ZNF804B: variants seen among roughly 807,000 people sequenced by gnomAD.
ZNF804B encodes zinc finger protein 804B.
Under a neutral mutation model 101.4 loss-of-function variants are expected in ZNF804B, and 80 were observed. That is an observed-to-expected ratio of 0.79 (90% confidence interval 0.66 to 0.95). The LOEUF is 0.95. Among genes scored for constraint, ZNF804B ranks in the 40% least tolerant of loss-of-function variants. ZNF804B has a pLI of 0.00. For synonymous variants in ZNF804B, 622 were observed against 558.8 expected, an observed-to-expected ratio of 1.11 and a Z score of -1.59; for missense variants, 1,673 against 1,561.9, an observed-to-expected ratio of 1.07 and a Z score of -1.20.
In ZNF804B at chr7:89,336,038, A is replaced by G; in HGVS notation, c.3056A>G (p.Asp1019Gly). 2.5e-6 allele frequency: 4 copies of G among 1,614,004 alleles called. No homozygotes were observed. Among genetic ancestry groups the G allele is most frequent in the South Asian group, 1.1e-5 (1 of 91,088 alleles). Residue 1019 changes from aspartate to glycine, a missense_variant, in exon 4 of 4, where the codon GAC (aspartate) becomes GGC (glycine). Physicochemically the swap from Asp to Gly is moderately conservative, Grantham distance 94. Transcript: ENST00000333190. The stretch of plus-strand genomic sequence containing the variant: ...ACAAATAATTTTACAATTTTAGCAG[A>G]CACTGATTGTGATAACCATCTTTCT... ...SHTNNFTILA[D>G]TDCDNHLSKG... is the part of the protein sequence containing the mutation.
chr7:89,266,655 C>T (rs1375108336), intron 2 of ZNF804B, among the ~76,000 whole-genome samples: 1 of 152,116 alleles, frequency 6.6e-6, no homozygotes, highest in Non-Finnish European at 1.5e-5. Flanking sequence ...TCAAAGTATG[C>T]TCTATTTCCC....
intron 1 of ZNF804B, among the ~76,000 whole-genome samples, chr7:89,064,738 C>A (rs1033965369): frequency 6.6e-6 from 1 of 152,100 alleles, no homozygotes; most frequent in Non-Finnish European, 1.5e-5. Flanking sequence ...CTGGAGGCTT[C>A]CTTGTAATTA....
chr7:88,873,133 T>C (rs1304935358), intron 1 of ZNF804B, among the ~76,000 whole-genome samples: 5 of 152,144 alleles, frequency 3.3e-5, no homozygotes, highest in African/African-American at 7.2e-5. Context: ...CAGCACCTGT[T>C]GTTTCCTGGC....
At chr7:89,321,737 T>C (rs536847134) in intron 2 of ZNF804B, among the ~76,000 whole-genome samples, 1 of 150,974 alleles carries the variant, frequency 6.6e-6, no homozygotes, top group Non-Finnish European at 1.5e-5. Flanking sequence ...TAAAGGTAAA[T>C]AAATACCTAA....
intron 1 of ZNF804B, among the ~76,000 whole-genome samples, chr7:88,861,978 A>G (rs1791655775): frequency 6.6e-6 from 1 of 152,146 alleles, no homozygotes; most frequent in South Asian, 2.1e-4. Context: ...ACCCAATGCT[A>G]AGGACAACTG....
chr7:89,115,902 T>TAG (rs1055207387), intron 1 of ZNF804B, among the ~76,000 whole-genome samples: 5 of 54,078 alleles, frequency 9.2e-5, no homozygotes, highest in African/African-American at 4.0e-4. Flanking sequence ...ACAGGTTTTT[T>TAG]TGTTTTTTTT....
chr7:88,990,647 A>C (rs1371301799), intron 1 of ZNF804B, among the ~76,000 whole-genome samples: 1 of 152,138 alleles, frequency 6.6e-6, no homozygotes, highest in Admixed American at 6.6e-5. Context: ...ATTTTCTCCA[A>C]CAGTTTCATA....
chr7:88,962,324 G>A (rs4728795), intron 1 of ZNF804B, among the ~76,000 whole-genome samples: 8,973 of 151,226 alleles, frequency 0.059, 456 homozygotes, highest in East Asian at 0.18. Context: ...TATGTAGCAA[G>A]CATCCAGCCA....
At chr7:89,228,545 T>C (rs190919144) in intron 2 of ZNF804B, among the ~76,000 whole-genome samples, 431 of 152,256 alleles carry the variant, frequency 2.8e-3, no homozygotes, top group Non-Finnish European at 4.8e-3. Flanking sequence ...AGAGTGTCGA[T>C]TGGTGCATTC....
intron 2 of ZNF804B, among the ~76,000 whole-genome samples, chr7:89,315,769 G>A (rs901828442): frequency 1.3e-5 from 2 of 151,944 alleles, no homozygotes; most frequent in African/African-American, 4.8e-5. Context: ...AGCTGATCAT[G>A]TCAAGTTATT....
At chr7:89,055,110 A>G (rs959938852) in intron 1 of ZNF804B, among the ~76,000 whole-genome samples, 1 of 152,126 alleles carries the variant, frequency 6.6e-6, no homozygotes, top group Non-Finnish European at 1.5e-5. Flanking sequence ...TTGACTGGCT[A>G]TGGAAGACCT....
chr7:89,325,111 AT>A lies in ZNF804B; in HGVS notation c.250-2224del, dbSNP rs771981244. On this transcript the variant is annotated intron_variant, in intron 2 of 3. Coordinates refer to ENST00000333190, the MANE Select transcript of ZNF804B (RefSeq NM_181646.5). Reference sequence around the variant, plus strand: ...TGTTTTTCTTAAACTGTTTCAGATGATTTTTTTTTCCTAAACTGGAACAGTT... The same window carrying A: ...TGTTTTTCTTAAACTGTTTCAGATGATTTTTTTTCCTAAACTGGAACAGTT... Among the ~76,000 whole-genome samples, 24 of 150,914 alleles carry A rather than the reference AT, an allele frequency of 1.6e-4. No individual in the cohort carries two copies. In the East Asian group the frequency reaches 3.9e-3, roughly 24 times the overall value.
chr7:89,291,475 A>C (rs1790291033), intron 2 of ZNF804B, among the ~76,000 whole-genome samples: 2 of 152,224 alleles, frequency 1.3e-5, no homozygotes, highest in Non-Finnish European at 2.9e-5. Context: ...TAGTTGAAAA[A>C]TGCAATTAAT....
rs1331090286 is a variant in ZNF804B at position 89,324,829 on chromosome 7, A to AT, written c.250-2506dup. On this transcript the variant is annotated intron_variant, in intron 2 of 3. Transcript: ENST00000333190. ...TTAATTTTTCTCATTTCTGTTGGCT[A>AT]TTTTTTTTTGTATTGCAATACATAT... Among the ~76,000 whole-genome samples, 992 of 149,674 alleles carry AT rather than the reference A, an allele frequency of 6.6e-3. 13 individuals are homozygous for AT. Among genetic ancestry groups the AT allele is most frequent in the African/African-American group, 0.023 (927 of 40,980 alleles).
intron 1 of ZNF804B, among the ~76,000 whole-genome samples, chr7:89,008,959 G>T (rs1184022368): frequency 6.6e-6 from 1 of 152,022 alleles, no homozygotes; most frequent in Non-Finnish European, 1.5e-5. Flanking sequence ...ACCTAGATTA[G>T]CTACCCTTCT....
intron 1 of ZNF804B, among the ~76,000 whole-genome samples, chr7:88,761,375 A>G (rs2698211): frequency 0.38 from 57,801 of 152,052 alleles, 13,704 homozygotes; most frequent in African/African-American, 0.68. Flanking sequence ...GTACTTAACA[A>G]TTAAACTCAC....
At chr7:88,823,513 C>T (rs1422252527) in intron 1 of ZNF804B, among the ~76,000 whole-genome samples, 1 of 151,744 alleles carries the variant, frequency 6.6e-6, no homozygotes, top group Non-Finnish European at 1.5e-5. Context: ...AGATAAAGGT[C>T]ACCAGGAGAA....
rs1226667891 is a variant in ZNF804B at position 89,317,429 on chromosome 7, A to G, written c.250-9915A>G. Among the ~76,000 whole-genome samples, 5 of 152,188 alleles carry G rather than the reference A, an allele frequency of 3.3e-5. No homozygotes were observed. The East Asian group carries it at 9.6e-4, about 29-fold the overall frequency. On this transcript the variant is annotated intron_variant, in intron 2 of 3. Transcript: ENST00000333190. ...GGGTGTAGGTGCAGGGTGAGCCTGC[A>G]CCCAATATGACTAAATGCGAAGCAA...
At chr7:89,287,363 C>T (rs1003856372) in intron 2 of ZNF804B, among the ~76,000 whole-genome samples, 16 of 152,050 alleles carry the variant, frequency 1.1e-4, no homozygotes, top group Admixed American at 9.8e-4. Context: ...CATTAGAGAG[C>T]TCAAGGCTAT....
Sources: allele counts gnomAD v4.1 joint callset (sites outside exome capture counted in the v4.1 genomes callset), GRCh38; gene constraint gnomAD v4.1.1; transcripts MANE v1.5; gene names NCBI Gene and HGNC (gene_info 2026-07-23, HGNC 2026-07-21).